SOX5: variants seen among roughly 807,000 people sequenced by gnomAD.
The protein encoded by SOX5 is transcription factor SOX-5.
SOX5 carries 9 observed loss-of-function variants against 92.0 expected under a neutral mutation model. The ratio of observed to expected loss-of-function variants is 0.10; its 90% CI spans 0.06 to 0.17. SOX5 has a LOEUF of 0.17. Ranked by LOEUF, SOX5 falls within the 10% of genes least tolerant of loss-of-function variation. The pLI is 1.00. For synonymous variants in SOX5, 344 were observed against 336.3 expected, an observed-to-expected ratio of 1.02 and a Z score of -0.25; for missense variants, 642 against 944.5, an observed-to-expected ratio of 0.68 and a Z score of 4.20.
intron 4 of SOX5, among the ~76,000 whole-genome samples, chr12:23,743,062 A>C (rs1273147869): frequency 6.6e-6 from 1 of 152,200 alleles, no homozygotes; most frequent in Non-Finnish European, 1.5e-5. Context: ...ATAACCAAAT[A>C]ATTATGGGTC....
At chr12:23,909,835 T>G (rs1426185599) in intron 1 of SOX5, among the ~76,000 whole-genome samples, 1 of 13,890 alleles carries the variant, frequency 7.2e-5, no homozygotes, top group African/African-American at 2.5e-4. Flanking sequence ...TGCTAGAACA[T>G]TTTTTTTCCA....
At position 24,435,022 on chromosome 12, in the gene SOX5, T is replaced by C. The variant is rs1034062511; in HGVS notation, c.-250-66383A>G. On this transcript the variant is annotated intron_variant, in intron 1 of 4. Transcript: ENST00000446891. The stretch of plus-strand genomic sequence containing the variant: ...ATGCCCTTTCCTTTTGGAGACTACA[T>C]TGCAGATACTTTGACTGAAAACAAC... Among the ~76,000 whole-genome samples, 4 of 150,818 alleles carry C rather than the reference T, an allele frequency of 2.7e-5. No homozygotes were observed. In the East Asian group the frequency reaches 5.8e-4, roughly 22 times the overall value.
chr12:23,780,226 A>C (rs1041875733), intron 3 of SOX5, among the ~76,000 whole-genome samples: 7 of 152,058 alleles, frequency 4.6e-5, no homozygotes, highest in African/African-American at 1.4e-4. Context: ...GTGTCAGCAG[A>C]AAGAGTGCTA....
chr12:23,870,959 G>A (rs909677389), intron 2 of SOX5, among the ~76,000 whole-genome samples: 10 of 152,002 alleles, frequency 6.6e-5, no homozygotes, highest in African/African-American at 1.9e-4. Flanking sequence ...TGAAAATCCC[G>A]TTATCCACCA....
chr12:24,248,645 A>G (rs907437776), intron 3 of SOX5, among the ~76,000 whole-genome samples: 4 of 152,292 alleles, frequency 2.6e-5, no homozygotes, highest in African/African-American at 7.2e-5. Flanking sequence ...TTGGCCTCCC[A>G]AAGTGCTGAG....
chr12:24,316,087 A>G (rs1949672329), intron 2 of SOX5, among the ~76,000 whole-genome samples: 1 of 152,232 alleles, frequency 6.6e-6, no homozygotes, highest in African/African-American at 2.4e-5. Context: ...CACCTGTGTC[A>G]CTTGTAGTAT....
chr12:24,086,366 C>T (rs1943996728), intron 4 of SOX5, among the ~76,000 whole-genome samples: 1 of 151,918 alleles, frequency 6.6e-6, no homozygotes, highest in South Asian at 2.1e-4. Flanking sequence ...TAAATTCCTA[C>T]AGTGCTTGTA....
chr12:24,415,945 G>A (rs150592589), intron 1 of SOX5, among the ~76,000 whole-genome samples: 5 of 152,284 alleles, frequency 3.3e-5, no homozygotes, highest in Admixed American at 6.5e-5. Context: ...CAGGTTGTGC[G>A]TCAACACATG....
intron 2 of SOX5, among the ~76,000 whole-genome samples, chr12:23,865,246 C>T (rs985234068): frequency 1.4e-4 from 22 of 152,200 alleles, no homozygotes; most frequent in Admixed American, 5.2e-4. Flanking sequence ...TCATTGACAA[C>T]GCACCAAGTC....
chr12:23,603,738 T>A (rs527900297), intron 9 of SOX5, among the ~76,000 whole-genome samples: 47 of 152,182 alleles, frequency 3.1e-4, no homozygotes, highest in African/African-American at 1.1e-3. Flanking sequence ...TGTTCTAATG[T>A]TTTCTTAGCT....
intron 4 of SOX5, among the ~76,000 whole-genome samples, chr12:23,988,504 T>C (rs927716156): frequency 6.6e-6 from 1 of 152,128 alleles, no homozygotes; most frequent in Non-Finnish European, 1.5e-5. Flanking sequence ...GATATGTGCA[T>C]CTAAGGTCAA....
rs566814766 is a variant in SOX5 at position 23,549,086 on chromosome 12, C to T, written c.1489-2662G>A. 1.1e-4 allele frequency among the ~76,000 whole-genome samples: 16 copies of T among 152,030 alleles called. No individual in the cohort carries two copies. The East Asian group carries it at 2.9e-3, about 28-fold the overall frequency. On this transcript the variant is annotated intron_variant, in intron 11 of 14. Transcript: ENST00000451604. Reference sequence around the variant, plus strand: ...GTTCTGTTCTGTGGGTTAAATATTTCCTTTTCTAAAAGTGTTTTTTCATAA... The same window carrying T: ...GTTCTGTTCTGTGGGTTAAATATTTTCTTTTCTAAAAGTGTTTTTTCATAA...
intron 4 of SOX5, among the ~76,000 whole-genome samples, chr12:23,753,578 A>G (rs1417474371): frequency 6.6e-6 from 1 of 151,804 alleles, no homozygotes; most frequent in Non-Finnish European, 1.5e-5. Context: ...GATTTTAAAA[A>G]AAAGATTACT....
chr12:23,749,887 CA>C, intron 4 of SOX5, among the ~76,000 whole-genome samples: 1 of 151,746 alleles, frequency 6.6e-6, no homozygotes, highest in Non-Finnish European at 1.5e-5. Context: ...CACTACATTC[CA>C]AACTTTGAGC....
chr12:23,853,185 A>T (rs2096651712), intron 2 of SOX5, among the ~76,000 whole-genome samples: 1 of 150,698 alleles, frequency 6.6e-6, no homozygotes, highest in South Asian at 2.1e-4. Flanking sequence ...TTTAATAGTC[A>T]TTTTGGCATT....
chr12:23,928,466 C>T (rs1370393596), intron 1 of SOX5, among the ~76,000 whole-genome samples: 1 of 151,918 alleles, frequency 6.6e-6, no homozygotes, highest in Non-Finnish European at 1.5e-5. Context: ...CCTTTAGTAT[C>T]ATTAGACGTA....
At chr12:24,306,051 T>C (rs905084835) in intron 2 of SOX5, among the ~76,000 whole-genome samples, 2 of 152,154 alleles carry the variant, frequency 1.3e-5, no homozygotes, top group African/African-American at 4.8e-5. Flanking sequence ...ATCTGACCTG[T>C]TTTGAACAGG....
chr12:23,673,397 G>C (rs1453571801), intron 6 of SOX5, among the ~76,000 whole-genome samples: 5 of 152,094 alleles, frequency 3.3e-5, no homozygotes, highest in Non-Finnish European at 7.4e-5. Flanking sequence ...ATGGTCATTT[G>C]AATGTGCTTG....
intron 2 of SOX5, among the ~76,000 whole-genome samples, chr12:23,880,436 G>C (rs2096975494): frequency 6.6e-6 from 1 of 152,020 alleles, no homozygotes; most frequent in South Asian, 2.1e-4. Context: ...ATTGTTTTAT[G>C]AACATTTTAA....
Sources: gnomAD v4.1 joint callset for allele counts (sites outside exome capture counted in the v4.1 genomes callset) on GRCh38, gnomAD v4.1.1 for gene constraint, MANE v1.5 for transcripts, NCBI Gene and HGNC (gene_info 2026-07-23, HGNC 2026-07-21) for gene names.